Variants in KCND2 observed in about 807,000 individuals in gnomAD.
The protein encoded by KCND2 is A-type voltage-gated potassium channel KCND2.
KCND2 carries 16 observed loss-of-function variants against 54.4 expected under a neutral mutation model. The observed-to-expected ratio is 0.29, with a 90% CI of 0.20 to 0.45. The LOEUF is 0.45. Among genes scored for constraint, KCND2 ranks in the 20% least tolerant of loss-of-function variants. KCND2 has a pLI of 1.00. For missense variants in KCND2, 486 were observed against 824.2 expected (o/e 0.59, Z 5.02); for synonymous variants, 317 against 310.7 (o/e 1.02, Z -0.21).
chr7:120,721,327 A>T (rs1215702709), intron 1 of KCND2, among the ~76,000 whole-genome samples: 1 of 152,296 alleles, frequency 6.6e-6, no homozygotes, highest in East Asian at 1.9e-4. Flanking sequence ...CTTAGTTTGT[A>T]TAGTTAATAA....
chr7:120,583,620 C>T (rs1792548326), intron 1 of KCND2, among the ~76,000 whole-genome samples: 1 of 152,054 alleles, frequency 6.6e-6, no homozygotes, highest in African/African-American at 2.4e-5. Flanking sequence ...CCTTCTGTGC[C>T]TCTCTGTGTC....
chr7:120,479,666 T>C (rs1802575203), intron 1 of KCND2, among the ~76,000 whole-genome samples: 1 of 151,360 alleles, frequency 6.6e-6, no homozygotes, highest in African/African-American at 2.4e-5. Context: ...TGGTGGCTCA[T>C]GCCTGTAATC....
intron 1 of KCND2, among the ~76,000 whole-genome samples, chr7:120,454,079 G>A (rs28836859): frequency 1.5e-3 from 222 of 152,224 alleles, no homozygotes; most frequent in Middle Eastern, 3.4e-3. Context: ...GCGAGACTCC[G>A]TCTCAAAAGA....
intron 1 of KCND2, among the ~76,000 whole-genome samples, chr7:120,660,060 G>C (rs565226462): frequency 6.6e-6 from 1 of 152,070 alleles, no homozygotes; most frequent in Non-Finnish European, 1.5e-5. Context: ...GGGTGGGCAT[G>C]GTTAATATAT....
chr7:120,469,793 A>G (rs1311378437), intron 1 of KCND2, among the ~76,000 whole-genome samples: 2 of 152,106 alleles, frequency 1.3e-5, no homozygotes, highest in African/African-American at 2.4e-5. Context: ...TGAAACGAGT[A>G]GGCTAAATAA....
intron 1 of KCND2, among the ~76,000 whole-genome samples, chr7:120,287,498 T>C (rs977272303): frequency 1.3e-5 from 2 of 152,090 alleles, no homozygotes; most frequent in African/African-American, 4.8e-5. Context: ...AAGAATGCCC[T>C]CTCAGCCTAT....
chr7:120,443,817 G>C (rs1415721903), intron 1 of KCND2, among the ~76,000 whole-genome samples: 2 of 151,924 alleles, frequency 1.3e-5, no homozygotes, highest in Non-Finnish European at 2.9e-5. Context: ...ACATTTTGCT[G>C]TGTGTCACTA....
chr7:120,719,454 A>G (rs2116098506), intron 1 of KCND2, among the ~76,000 whole-genome samples: 1 of 152,276 alleles, frequency 6.6e-6, no homozygotes, highest in African/African-American at 2.4e-5. Flanking sequence ...AAATTCTGTA[A>G]GAGTAGTCTA....
intron 1 of KCND2, among the ~76,000 whole-genome samples, chr7:120,307,614 T>G (rs781038686): frequency 6.6e-6 from 1 of 152,040 alleles, no homozygotes; most frequent in Non-Finnish European, 1.5e-5. Flanking sequence ...ACAAGTAAAG[T>G]GTTTAGATGT....
intron 1 of KCND2, among the ~76,000 whole-genome samples, chr7:120,378,001 A>G (rs994315766): frequency 2.6e-5 from 4 of 151,976 alleles, no homozygotes; most frequent in Middle Eastern, 6.4e-3. Context: ...TTCTTGTCCA[A>G]TTAGACTGTA....
chr7:120,444,738 C>T lies in KCND2; in HGVS notation c.1115+168991C>T, dbSNP rs139596486. On this transcript the variant is annotated intron_variant, in intron 1 of 5. Coordinates refer to ENST00000331113, the MANE Select transcript of KCND2 (RefSeq NM_012281.3). ...ATGGCATTAATTTCAACTTTTTAAG[C>T]AAATATATAATAATGCTATACACTA... Among the ~76,000 whole-genome samples the T allele has an allele frequency of 3.1e-3, 466 of 152,080 alleles. 2 individuals are homozygous for T. The highest frequency in any genetic ancestry group is 0.011 in the African/African-American group (443 of 41,504).
chr7:120,549,560 G>A (rs1792081672), intron 1 of KCND2, among the ~76,000 whole-genome samples: 1 of 152,176 alleles, frequency 6.6e-6, no homozygotes, highest in Non-Finnish European at 1.5e-5. Flanking sequence ...TATAGCTAGA[G>A]CACAGTAGTG....
chr7:120,744,634 A>T (rs956949681), intron 4 of KCND2, among the ~76,000 whole-genome samples: 6 of 152,178 alleles, frequency 3.9e-5, no homozygotes, highest in Non-Finnish European at 8.8e-5. Context: ...TAAAGAGTAG[A>T]ATGTTAAATT....
chr7:120,353,761 A>C (rs1225116888), intron 1 of KCND2, among the ~76,000 whole-genome samples: 2 of 152,172 alleles, frequency 1.3e-5, no homozygotes, highest in East Asian at 3.9e-4. Context: ...AAACTATTTA[A>C]ATAATATTCT....
At chr7:120,611,162 A>C (rs972715864) in intron 1 of KCND2, among the ~76,000 whole-genome samples, 3 of 152,166 alleles carry the variant, frequency 2.0e-5, no homozygotes, top group Non-Finnish European at 4.4e-5. Context: ...CCGATGACAA[A>C]TATTTGGGTT....
chr7:120,514,882 G>A (rs1455577173), intron 1 of KCND2, among the ~76,000 whole-genome samples: 1 of 151,960 alleles, frequency 6.6e-6, no homozygotes, highest in East Asian at 1.9e-4. Context: ...ACCTGTCCTG[G>A]TCTGTGGCCC....
intron 1 of KCND2, among the ~76,000 whole-genome samples, chr7:120,294,825 T>C (rs1799485554): frequency 1.3e-5 from 2 of 151,894 alleles, no homozygotes; most frequent in South Asian, 4.1e-4. Context: ...TACACACATA[T>C]ACATATATAC....
At chr7:120,741,509 G>T in intron 2 of KCND2, 25 bp from the exon 3 acceptor site, 1 of 1,469,368 alleles carries the variant, frequency 6.8e-7, no homozygotes, top group Non-Finnish European at 9.5e-7. Context: ...AAATGTTAAT[G>T]GGATGTTTAT....
chr7:120,407,596 G>C (rs1429394248), intron 1 of KCND2, among the ~76,000 whole-genome samples: 2 of 151,866 alleles, frequency 1.3e-5, no homozygotes, highest in African/African-American at 4.8e-5. Flanking sequence ...GACAAACTAA[G>C]ACCAACTCCA....
Sources: allele counts gnomAD v4.1 joint callset (sites outside exome capture counted in the v4.1 genomes callset), GRCh38; gene constraint gnomAD v4.1.1; transcripts MANE v1.5; gene names NCBI Gene and HGNC (gene_info 2026-07-23, HGNC 2026-07-21).